Variants in KLHL2 observed in about 807,000 individuals in gnomAD.
KLHL2 encodes kelch-like protein 2.
In KLHL2, 15 loss-of-function variants were observed where a neutral mutation model predicts 75.8. The ratio of observed to expected loss-of-function variants is 0.20; its 90% CI spans 0.13 to 0.30. The LOEUF (loss-of-function observed/expected upper bound fraction) is 0.30. KLHL2 is among the 10% of genes least tolerant of loss of function. The pLI is 1.00. For synonymous variants in KLHL2, 214 were observed against 251.9 expected, an observed-to-expected ratio of 0.85 and a Z score of 1.42; for missense variants, 381 against 741.0, an observed-to-expected ratio of 0.51 and a Z score of 5.64.
intron 10 of KLHL2, among the ~76,000 whole-genome samples, 200 bp downstream of exon 10, chr4:165,310,950 G>C (rs538250550): frequency 1.3e-5 from 2 of 151,524 alleles, no homozygotes; most frequent in African/African-American, 2.4e-5. Context: ...CGCCTGCCGG[G>C]TTCATGCCAT....
chr4:165,219,150 C>T (rs1737783964), intron 1 of KLHL2, among the ~76,000 whole-genome samples: 1 of 152,216 alleles, frequency 6.6e-6, no homozygotes, highest in Non-Finnish European at 1.5e-5. Context: ...GCTAGTATAG[C>T]CTTGTGTGCT....
chr4:165,284,024 C>CT (rs1743897442), intron 5 of KLHL2, among the ~76,000 whole-genome samples: 3 of 152,164 alleles, frequency 2.0e-5, no homozygotes, highest in Non-Finnish European at 4.4e-5. Flanking sequence ...CACAGGGCAC[C>CT]GTGTCCTTAG....
intron 13 of KLHL2, among the ~76,000 whole-genome samples, chr4:165,315,987 G>C (rs1291512063): frequency 1.3e-5 from 2 of 152,210 alleles, no homozygotes; most frequent in Non-Finnish European, 2.9e-5. Flanking sequence ...TAGCACATCT[G>C]TAATAGGTTC....
At chr4:165,318,736 G>C (rs1746760212) in intron 14 of KLHL2, among the ~76,000 whole-genome samples, 1 of 152,062 alleles carries the variant, frequency 6.6e-6, no homozygotes, top group African/African-American at 2.4e-5. Context: ...GGACAACACA[G>C]GTTTGAACTG....
intron 14 of KLHL2, 46 bp from the exon 15 acceptor site, chr4:165,321,986 A>G: frequency 6.3e-7 from 1 of 1,574,844 alleles, no homozygotes; most frequent in Non-Finnish European, 8.7e-7. Context: ...AGAGATACAG[A>G]GTGCTGCCTG....
At chr4:165,232,540 G>T (rs1413153281) in intron 3 of KLHL2, among the ~76,000 whole-genome samples, 1 of 151,950 alleles carries the variant, frequency 6.6e-6, no homozygotes, top group African/African-American at 2.4e-5. Flanking sequence ...AAACCAGCCT[G>T]GGAGAAATAG....
At position 165,299,613 on chromosome 4, in the gene KLHL2, A is replaced by G. The variant is rs1745194141; in HGVS notation, c.878A>G (p.Lys293Arg). The change falls in exon 8 of 15, where the codon AAG (lysine) becomes AGG (arginine). Residue 293 changes from lysine (K) to arginine (R), a missense_variant. Physicochemically the swap from Lys to Arg is conservative, Grantham distance 26 (BLOSUM62 2). Transcript: ENST00000226725. Reference protein sequence around the residue: ...LLPTEQRILMKSVRTRLRTPM... With the variant: ...LLPTEQRILMRSVRTRLRTPM... Reference sequence around the variant, plus strand: ...CCAACAGAGCAGCGTATATTAATGAAGAGTGTCCGGACCCGGCTGAGGACA... The same window carrying G: ...CCAACAGAGCAGCGTATATTAATGAGGAGTGTCCGGACCCGGCTGAGGACA... 6.2e-7 allele frequency: 1 copy of G among 1,613,660 alleles called. No individual in the cohort carries two copies. Among genetic ancestry groups the G allele is most frequent in the Non-Finnish European group, 8.5e-7 (1 of 1,179,934 alleles).
intron 5 of KLHL2, among the ~76,000 whole-genome samples, chr4:165,283,392 G>T (rs1743841494): frequency 3.3e-5 from 5 of 152,226 alleles, no homozygotes; most frequent in Admixed American, 3.3e-4. Context: ...ATACAATGGG[G>T]ATACAAGCAT....
intron 4 of KLHL2, among the ~76,000 whole-genome samples, chr4:165,248,027 A>G (rs1486424228): frequency 6.6e-6 from 1 of 152,200 alleles, no homozygotes; most frequent in East Asian, 1.9e-4. Context: ...GTGGCTTAAT[A>G]AAAAAATCAT....
chr4:165,272,597 G>A (rs1420871847), intron 5 of KLHL2, among the ~76,000 whole-genome samples: 2 of 151,856 alleles, frequency 1.3e-5, no homozygotes, highest in Non-Finnish European at 2.9e-5. Context: ...GGGAGAGGAG[G>A]GTCAGTGCCT....
chr4:165,275,557 A>G (rs1248866894), intron 5 of KLHL2, among the ~76,000 whole-genome samples: 7 of 152,204 alleles, frequency 4.6e-5, no homozygotes, highest in Non-Finnish European at 4.4e-5. Context: ...TTGAGAAACT[A>G]CTTAGTACTA....
chr4:165,316,202 C>T (rs942629508), intron 13 of KLHL2, among the ~76,000 whole-genome samples: 3 of 152,172 alleles, frequency 2.0e-5, no homozygotes, highest in Admixed American at 1.3e-4. Flanking sequence ...ACCTCCCTTT[C>T]TGCAGTGGGA....
intron 3 of KLHL2, among the ~76,000 whole-genome samples, chr4:165,229,604 T>G (rs1301474657): frequency 2.6e-5 from 4 of 152,212 alleles, no homozygotes; most frequent in Non-Finnish European, 5.9e-5. Context: ...TAGAAACTAT[T>G]AAGTATTTCT....
chr4:165,268,324 C>G (rs956834151), intron 5 of KLHL2, among the ~76,000 whole-genome samples: 6 of 152,076 alleles, frequency 3.9e-5, no homozygotes, highest in Non-Finnish European at 7.4e-5. Flanking sequence ...CAGTTCTGCT[C>G]TGATCTTAGT....
At chr4:165,254,392 A>G (rs973011901) in intron 4 of KLHL2, among the ~76,000 whole-genome samples, 2 of 151,892 alleles carry the variant, frequency 1.3e-5, no homozygotes, top group Admixed American at 6.6e-5. Context: ...TTTTTTTTCT[A>G]CTAAGTAATG....
chr4:165,298,111 G>A (rs1233285645), intron 7 of KLHL2, among the ~76,000 whole-genome samples: 1 of 152,138 alleles, frequency 6.6e-6, no homozygotes, highest in East Asian at 1.9e-4. Flanking sequence ...GCCTTGTGAG[G>A]CACCACACCC....
chr4:165,260,257 A>C (rs146442295), intron 4 of KLHL2, among the ~76,000 whole-genome samples: 11,488 of 152,256 alleles, frequency 0.075, 496 homozygotes, highest in Middle Eastern at 0.14. Context: ...CTGACAAAAG[A>C]AAAATATGAA....
At chr4:165,312,233 G>A (rs896149028) in intron 11 of KLHL2, among the ~76,000 whole-genome samples, 2 of 152,088 alleles carry the variant, frequency 1.3e-5, no homozygotes, top group Non-Finnish European at 2.9e-5. Context: ...CATGGCCTGC[G>A]GTTTGGGGAC....
At chr4:165,208,403 G>A (rs1286777688) in intron 1 of KLHL2, 1 of 152,240 alleles carries the variant, frequency 6.6e-6, no homozygotes, top group East Asian at 1.9e-4. Context: ...CACTCTAAAT[G>A]AGCGGCGGCC....
Sources: gnomAD v4.1 joint callset for allele counts (sites outside exome capture counted in the v4.1 genomes callset) on GRCh38, gnomAD v4.1.1 for gene constraint, MANE v1.5 for transcripts, NCBI Gene and HGNC (gene_info 2026-07-23, HGNC 2026-07-21) for gene names.